The following BFAR variants were observed in gnomAD, a reference collection of about 807,000 sequenced individuals.
BFAR encodes the protein bifunctional apoptosis regulator.
BFAR carries 52 observed loss-of-function variants against 54.4 expected under a neutral mutation model. That is an observed-to-expected ratio of 0.96 (90% CI 0.77 to 1.21). The LOEUF is 1.21. Ranked by LOEUF, BFAR falls within the 50% of genes most tolerant of loss-of-function variation. The probability of loss-of-function intolerance (pLI) is 0.00; values close to 1 mark genes in which losing one functional copy is unlikely to be tolerated. For synonymous variants in BFAR, 215 were observed against 204.3 expected (o/e 1.05, Z -0.45); for missense variants, 571 against 534.0 (o/e 1.07, Z -0.68).
chr16:14,665,525 GT>G (rs1960418272), intron 7 of BFAR, among the ~76,000 whole-genome samples: 1 of 152,156 alleles, frequency 6.6e-6, no homozygotes, highest in African/African-American at 2.4e-5. Flanking sequence ...CCCTGTCTGT[GT>G]CTTGGATGGT....
chr16:14,661,998 C>G lies in BFAR; in HGVS notation c.890C>G (p.Pro297Arg). 6.2e-7 allele frequency: 1 copy of G among 1,614,194 alleles called. No homozygotes were observed. Among genetic ancestry groups the G allele is most frequent in the South Asian group, 1.1e-5 (1 of 91,088 alleles). Residue 297 changes from proline (P) to arginine (R), a missense_variant, in exon 6 of 8, where the codon CCT becomes CGT. Pro to Arg is a moderately radical substitution (Grantham distance 103). Coordinates refer to ENST00000261658, the MANE Select transcript of BFAR (RefSeq NM_016561.3). ...TTTGACTACACCGACACCTTCCTAC[C>G]TTTCATCCACACCATCTGCCCTCTG... ...YLFDYTDTFL[P>R]FIHTICPLQE...
In BFAR at chr16:14,636,013, C is replaced by T. The variant is rs536720329; in HGVS notation, c.-74+2995C>T. The stretch of plus-strand genomic sequence containing the variant: ...GAACCTTGCCTTGCTTACATTTGAG[C>T]ACGTTTTAATTTTGTAGTCACTATA... On this transcript the variant is annotated intron_variant, in intron 1 of 7. Transcript: ENST00000261658. Among the ~76,000 whole-genome samples, 44 of 152,178 alleles carry T rather than the reference C, an allele frequency of 2.9e-4. 1 individual carries two copies. In the East Asian group the frequency reaches 4.4e-3, roughly 15 times the overall value.
intron 7 of BFAR, among the ~76,000 whole-genome samples, chr16:14,666,413 A>G (rs897908613): frequency 2.0e-5 from 3 of 152,174 alleles, no homozygotes; most frequent in Admixed American, 2.0e-4. Context: ...TCTACCAAAA[A>G]TACAAAAATT....
At chr16:14,655,243 CTTTTTATTTTTAT>C (rs774934844) in intron 5 of BFAR, 33 bp downstream of exon 5, 7 of 939,514 alleles carry the variant, frequency 7.5e-6, no homozygotes, top group African/African-American at 1.9e-5. Context: ...TTTTTTTTTA[CTTTTTATTTTTAT>C]TTTTTGTTAA....
intron 5 of BFAR, among the ~76,000 whole-genome samples, chr16:14,660,773 C>T (rs1960266774): frequency 6.6e-6 from 1 of 151,650 alleles, no homozygotes; most frequent in African/African-American, 2.4e-5. Flanking sequence ...TGGCATTACT[C>T]ACTTGTAATC....
At chr16:14,656,143 C>T (rs1185348654) in intron 5 of BFAR, among the ~76,000 whole-genome samples, 2 of 151,800 alleles carry the variant, frequency 1.3e-5, no homozygotes, top group Non-Finnish European at 2.9e-5. Context: ...GTTGAGGCTG[C>T]GGTAGCCGAG....
intron 4 of BFAR, among the ~76,000 whole-genome samples, chr16:14,654,695 A>G (rs934831895): frequency 1.3e-5 from 2 of 151,942 alleles, no homozygotes; most frequent in East Asian, 1.9e-4. Flanking sequence ...TGGTTTCACC[A>G]TGTTGGCTGG....
At chr16:14,633,745 C>T (rs566092189) in intron 1 of BFAR, among the ~76,000 whole-genome samples, 5 of 152,352 alleles carry the variant, frequency 3.3e-5, no homozygotes, top group Middle Eastern at 6.8e-3. Context: ...CTCCGCCTCC[C>T]AGGTTCAAGC....
At chr16:14,643,801 C>T (rs1484147825) in intron 1 of BFAR, 1 of 152,042 alleles carries the variant, frequency 6.6e-6, no homozygotes, top group East Asian at 1.9e-4. Flanking sequence ...TATTACAACT[C>T]CTTTACAATT....
At chr16:14,654,278 G>C (rs574343037) in intron 4 of BFAR, among the ~76,000 whole-genome samples, 1 of 151,494 alleles carries the variant, frequency 6.6e-6, no homozygotes, top group African/African-American at 2.4e-5. Context: ...CCCAAAGTGC[G>C]AACTATTCTT....
intron 4 of BFAR, chr16:14,650,654 T>A (rs1183444241): frequency 6.6e-6 from 1 of 152,222 alleles, no homozygotes; most frequent in Non-Finnish European, 1.5e-5. Flanking sequence ...ACCCGTGACA[T>A]AACATGTATC....
intron 1 of BFAR, among the ~76,000 whole-genome samples, chr16:14,640,607 C>T (rs1191329516): frequency 5.9e-5 from 9 of 152,122 alleles, no homozygotes; most frequent in Non-Finnish European, 1.3e-4. Flanking sequence ...AGGTGTTGCC[C>T]TGGTAGGGCG....
Position 14,665,693 on chromosome 16 carries a change from G to A in BFAR, c.1160+622G>A, listed in dbSNP as rs375279094. ...TGTTTCACCAAAGGGCAGGATTTAC[G>A]TGATGTACGTGCTCTTACACAAGAA... On this transcript the variant is annotated intron_variant, in intron 7 of 7. Transcript: ENST00000261658. Among the ~76,000 whole-genome samples the A allele has an allele frequency of 4.6e-5, 7 of 152,134 alleles. No individual in the cohort carries two copies. In the East Asian group the frequency reaches 7.7e-4, roughly 17 times the overall value.
In BFAR at chr16:14,655,064, A is replaced by G. The variant is rs374898607; in HGVS notation, c.639-2A>G. On this transcript the variant is annotated splice_acceptor_variant, in intron 4 of 7. Transcript: ENST00000261658. LOFTEE classifies it high-confidence loss of function. ...AATAAATCTCCTCCTGCCCCTCTACAGGTTGCTTTTAACTTTGACAGAGGA... is the reference window on the plus strand; with the variant it reads ...AATAAATCTCCTCCTGCCCCTCTACGGGTTGCTTTTAACTTTGACAGAGGA... The G allele has an allele frequency of 1.2e-6, 2 of 1,602,658 alleles. No individual in the cohort carries two copies. Among genetic ancestry groups the G allele is most frequent in the Non-Finnish European group, 1.7e-6 (2 of 1,176,430 alleles).
intron 3 of BFAR, among the ~76,000 whole-genome samples, 194 bp downstream of exon 3, chr16:14,648,786 T>C (rs1959880224): frequency 6.6e-6 from 1 of 152,182 alleles, no homozygotes; most frequent in Admixed American, 6.5e-5. Context: ...GATCAGATCA[T>C]AGTACCTAGT....
At chr16:14,650,042 G>A in intron 4 of BFAR, 69 bp downstream of exon 4, 1 of 1,477,642 alleles carries the variant, frequency 6.8e-7, no homozygotes, top group Non-Finnish European at 9.1e-7. Flanking sequence ...TATAATCCAG[G>A]CCAGGCGCGG....
chr16:14,663,507 G>A (rs901715137), intron 6 of BFAR, among the ~76,000 whole-genome samples: 2 of 151,492 alleles, frequency 1.3e-5, no homozygotes, highest in African/African-American at 2.4e-5. Flanking sequence ...AATTTTTTGT[G>A]TTTTTAGTAG....
chr16:14,640,170 AAG>A (rs796299980), intron 1 of BFAR, among the ~76,000 whole-genome samples: 1 of 151,106 alleles, frequency 6.6e-6, no homozygotes, highest in Non-Finnish European at 1.5e-5. Context: ...AAAAAAGAAG[AAG>A]AGAGAGAGAG....
intron 5 of BFAR, among the ~76,000 whole-genome samples, chr16:14,659,602 G>T (rs1263451889): frequency 6.7e-6 from 1 of 150,084 alleles, no homozygotes; most frequent in Non-Finnish European, 1.5e-5. Flanking sequence ...CCAGGCTGGA[G>T]TGCAGTGGCG....
Sources: allele counts gnomAD v4.1 joint callset (sites outside exome capture counted in the v4.1 genomes callset), GRCh38; gene constraint gnomAD v4.1.1; transcripts MANE v1.5; gene names NCBI Gene and HGNC (gene_info 2026-07-23, HGNC 2026-07-21).